CTNNA3: variants seen among roughly 807,000 people sequenced by gnomAD.
The protein encoded by CTNNA3 is catenin alpha-3.
CTNNA3 carries 76 observed loss-of-function variants against 95.7 expected under a neutral mutation model. The observed-to-expected ratio is 0.79, with a 90% CI of 0.66 to 0.96. The LOEUF (loss-of-function observed/expected upper bound fraction) is 0.96, where lower values mean the gene tolerates loss of function less well. Among genes scored for constraint, CTNNA3 ranks in the 40% least tolerant of loss-of-function variants. The pLI is 0.00. For synonymous variants in CTNNA3, 431 were observed against 374.4 expected, an observed-to-expected ratio of 1.15 and a Z score of -1.74; for missense variants, 1,191 against 1,089.8, an observed-to-expected ratio of 1.09 and a Z score of -1.31.
At chr10:66,331,443 T>A (rs1440546335) in intron 12 of CTNNA3, among the ~76,000 whole-genome samples, 1 of 129,438 alleles carries the variant, frequency 7.7e-6, no homozygotes. Context: ...AAGCTCCGCC[T>A]CCCGGGTTCA....
At chr10:67,658,059 G>A (rs770718887) in intron 1 of CTNNA3, among the ~76,000 whole-genome samples, 3 of 151,876 alleles carry the variant, frequency 2.0e-5, no homozygotes, top group African/African-American at 4.8e-5. Context: ...AACCCCCACC[G>A]TCTGCTAAAG....
At chr10:66,336,721 TC>T (rs1238518900) in intron 12 of CTNNA3, among the ~76,000 whole-genome samples, 2 of 152,040 alleles carry the variant, frequency 1.3e-5, no homozygotes, top group Non-Finnish European at 2.9e-5. Context: ...AAGTCCAAAA[TC>T]ATTCACACTG....
chr10:66,157,728 C>G (rs2084618306), intron 13 of CTNNA3, among the ~76,000 whole-genome samples: 1 of 151,954 alleles, frequency 6.6e-6, no homozygotes, highest in Admixed American at 6.6e-5. Context: ...ACTTTTAATT[C>G]TTTAAGGAAT....
At chr10:66,073,862 A>C (rs2080492479) in intron 14 of CTNNA3, among the ~76,000 whole-genome samples, 1 of 152,078 alleles carries the variant, frequency 6.6e-6, no homozygotes, top group Non-Finnish European at 1.5e-5. Context: ...TGTTTGATTA[A>C]AATAGAAAAT....
intron 13 of CTNNA3, among the ~76,000 whole-genome samples, chr10:66,152,924 G>A (rs1455287455): frequency 6.6e-6 from 1 of 151,772 alleles, no homozygotes; most frequent in African/African-American, 2.4e-5. Flanking sequence ...AATATTTTTT[G>A]TGCCTCATTC....
chr10:66,478,990 G>T (rs1439758776), intron 11 of CTNNA3, among the ~76,000 whole-genome samples: 3 of 151,620 alleles, frequency 2.0e-5, no homozygotes, highest in Admixed American at 6.6e-5. Context: ...CTAACCCAAG[G>T]TCATAAAGAT....
intron 7 of CTNNA3, among the ~76,000 whole-genome samples, chr10:67,125,103 G>C (rs1292830426): frequency 6.6e-6 from 1 of 152,248 alleles, no homozygotes; most frequent in Admixed American, 6.5e-5. Flanking sequence ...GCTTTTACCT[G>C]TTTGTTTCAC....
At chr10:66,599,788 G>A (rs1843856091) in intron 10 of CTNNA3, among the ~76,000 whole-genome samples, 1 of 151,820 alleles carries the variant, frequency 6.6e-6, no homozygotes, top group South Asian at 2.1e-4. Flanking sequence ...CACATATTAA[G>A]TAACTCTCTG....
chr10:66,801,774 T>C (rs767049886), intron 7 of CTNNA3, among the ~76,000 whole-genome samples: 1 of 151,526 alleles, frequency 6.6e-6, no homozygotes, highest in African/African-American at 2.4e-5. Context: ...TATGTGGAAA[T>C]GCAAAGAATC....
chr10:67,408,248 T>A (rs531868894), intron 5 of CTNNA3, among the ~76,000 whole-genome samples: 15 of 152,236 alleles, frequency 9.9e-5, no homozygotes, highest in African/African-American at 3.6e-4. Context: ...TATTTTAAAA[T>A]CAATACGGAA....
At chr10:66,146,094 C>T (rs1056140365) in intron 13 of CTNNA3, among the ~76,000 whole-genome samples, 4 of 152,146 alleles carry the variant, frequency 2.6e-5, no homozygotes, top group Non-Finnish European at 5.9e-5. Context: ...CCTTGTGATC[C>T]ACCTGCTTTG....
In CTNNA3 at chr10:66,974,859, G is replaced by GT. The variant is rs200016004; in HGVS notation, c.1048-199336dup. On this transcript the variant is annotated intron_variant, in intron 7 of 17. Coordinates refer to ENST00000433211, the MANE Select transcript of CTNNA3 (RefSeq NM_013266.4). ...ACTTTCATCTATATTTAGTTGAGTT[G>GT]TTTTTTCTTCATATTGAATTCTAAG... 5.9e-3 allele frequency among the ~76,000 whole-genome samples: 881 copies of GT among 149,978 alleles called. 3 individuals carry two copies. Among genetic ancestry groups the GT allele is most frequent in the Non-Finnish European group, 0.01 (685 of 67,422 alleles).
At chr10:66,732,743 T>C (rs187460715) in intron 9 of CTNNA3, among the ~76,000 whole-genome samples, 2 of 152,078 alleles carry the variant, frequency 1.3e-5, no homozygotes, top group African/African-American at 4.8e-5. Context: ...CAATTCAAGA[T>C]GGGATTTGGG....
At chr10:66,724,329 G>A (rs997995950) in intron 9 of CTNNA3, among the ~76,000 whole-genome samples, 22 of 152,184 alleles carry the variant, frequency 1.4e-4, no homozygotes, top group African/African-American at 5.3e-4. Context: ...GAGATGTGAA[G>A]TTCCCATTGC....
chr10:67,585,637 G>A (rs145563480), intron 3 of CTNNA3, among the ~76,000 whole-genome samples: 374 of 151,878 alleles, frequency 2.5e-3, no homozygotes, highest in Middle Eastern at 0.01. Flanking sequence ...ATTTATAATC[G>A]TCTCTGATGA....
chr10:66,748,665 C>T (rs1007041713), intron 9 of CTNNA3, among the ~76,000 whole-genome samples: 9 of 152,128 alleles, frequency 5.9e-5, no homozygotes, highest in African/African-American at 2.2e-4. Context: ...AACCAATTAA[C>T]AATTAATAAA....
chr10:66,869,183 G>A (rs1844300972), intron 7 of CTNNA3, among the ~76,000 whole-genome samples: 1 of 152,158 alleles, frequency 6.6e-6, no homozygotes, highest in Admixed American at 6.6e-5. Flanking sequence ...ATATAATTAT[G>A]GTCTGCCTGA....
At chr10:67,700,627 C>A (rs1218368109), upstream of CTNNA3, among the ~76,000 whole-genome samples, 1 of 152,158 alleles carries the variant, frequency 6.6e-6, no homozygotes, top group Non-Finnish European at 1.5e-5. Flanking sequence ...CCCATCTGTA[C>A]ATCACCATCA....
At chr10:66,839,909 C>T (rs1373734826) in intron 7 of CTNNA3, among the ~76,000 whole-genome samples, 1 of 152,124 alleles carries the variant, frequency 6.6e-6, no homozygotes, top group Non-Finnish European at 1.5e-5. Flanking sequence ...GGAATCTACA[C>T]TGCCCATTCA....
Sources: allele counts gnomAD v4.1 joint callset (sites outside exome capture counted in the v4.1 genomes callset), GRCh38; gene constraint gnomAD v4.1.1; transcripts MANE v1.5; gene names NCBI Gene and HGNC (gene_info 2026-07-23, HGNC 2026-07-21).